Variants in DNAH9 observed in about 807,000 individuals in gnomAD.
The protein encoded by DNAH9 is DNAH9 variant protein.
DNAH9 carries 345 observed loss-of-function variants against 471.6 expected under a neutral mutation model. The ratio of observed to expected loss-of-function variants is 0.73; its 90% confidence interval spans 0.67 to 0.80. DNAH9 has a LOEUF of 0.80. Ranked by LOEUF, DNAH9 falls within the 30% of genes least tolerant of loss-of-function variation. DNAH9 has a pLI of 0.00. For missense variants in DNAH9, 5,407 were observed against 5,609.2 expected (o/e 0.96, Z 1.15); for synonymous variants, 2,093 against 2,123.6 (o/e 0.99, Z 0.40).
Position 11,626,217 on chromosome 17 carries a change from G to GATATT in DNAH9, c.1351-3199_1351-3195dup, listed in dbSNP as rs1271466825. Among the ~76,000 whole-genome samples the GATATT allele has an allele frequency of 6.6e-6, 1 of 152,128 alleles. No homozygotes were observed. The highest frequency in any genetic ancestry group is 1.5e-5 in the Non-Finnish European group (1 of 68,028). On this transcript the variant is annotated intron_variant, in intron 6 of 68. Coordinates refer to ENST00000262442, the MANE Select transcript of DNAH9 (RefSeq NM_001372.4). This position sits in a 1 kb window ranked among gnomAD's most constrained non-coding sequence, Gnocchi z 4.3. ...TTTAGTACTGTGATGAATAAAAATAGATATTTAAAAAATATCATTTAAACT... is the reference window on the plus strand; with the variant it reads ...TTTAGTACTGTGATGAATAAAAATAGATATTATATTTAAAAAATATCATTTAAACT...
Position 11,869,133 on chromosome 17 carries a change from G to T in DNAH9, c.9934-1G>T, listed in dbSNP as rs372234588. On this transcript the variant is annotated splice_acceptor_variant, in intron 50 of 68. Transcript: ENST00000262442. LOFTEE classifies it high-confidence loss of function. Reference sequence around the variant, plus strand: ...TGGTCCTTGTATTCCTTCCTAAACAGCACCTTAATGAAAACCTGGCAAAGC... The same window carrying T: ...TGGTCCTTGTATTCCTTCCTAAACATCACCTTAATGAAAACCTGGCAAAGC... 2.5e-6 allele frequency: 4 copies of T among 1,613,232 alleles called. No homozygotes were observed. The highest frequency in any genetic ancestry group is 3.4e-6 in the Non-Finnish European group (4 of 1,179,662).
rs917333010 is a variant in DNAH9, at chr17:11,654,133, A to G, written c.2595+1131A>G. Among the ~76,000 whole-genome samples the G allele has an allele frequency of 2.4e-5, 3 of 125,486 alleles. 1 individual carries two copies. The highest frequency in any genetic ancestry group is 5.3e-5 in the Non-Finnish European group (3 of 56,278). The allele number at this position is 125,486 out of a possible 152,430, so 82.3% of individuals were successfully genotyped here. ...CACTTTGGGAGGCCGAGGCGGGCGG[A>G]TCACGAGGTCAGGAGATCGAGACCA... On this transcript the variant is annotated intron_variant, in intron 14 of 68. Transcript: ENST00000262442.
rs1969028904 is a variant in DNAH9, at chr17:11,790,587, A to G, written c.8062-2916A>G. Among the ~76,000 whole-genome samples the G allele has an allele frequency of 2.0e-5, 3 of 152,050 alleles. No homozygotes were observed. In the South Asian group the frequency reaches 6.2e-4, roughly 31 times the overall value. On this transcript the variant is annotated intron_variant, in intron 41 of 68. Coordinates refer to ENST00000262442, the MANE Select transcript of DNAH9 (RefSeq NM_001372.4). ...TTAAGGTATATCTCCCATAAGCAGC[A>G]TACGGTTGGGTTCTTTAAAGTCCCA... is the stretch of plus-strand genomic sequence containing the variant.
Position 11,598,904 on chromosome 17 carries a change from C to T in DNAH9, c.406C>T (p.Leu136=). 2 of 1,502,990 alleles carry T rather than the reference C, an allele frequency of 1.3e-6. No individual in the cohort carries two copies. Among genetic ancestry groups the T allele is most frequent in the Non-Finnish European group, 1.8e-6 (2 of 1,128,796 alleles). The allele number at this position is 1,502,990 out of a possible 1,614,324, so 93.1% of individuals were successfully genotyped here. A position where few individuals can be genotyped will look rare whatever the true frequency, so the allele number is the denominator to read the frequency against. Residue 136 remains leucine, a synonymous_variant, in exon 1 of 69, where the codon CTG becomes TTG. Transcript: ENST00000262442. ...GGCACCTCTGGAGCACCTAGCCGCG[C>T]TGTTCTCGGAGGTGAGGGTGGGTTA... is the stretch of plus-strand genomic sequence containing the variant. ...PAAPLEHLAA[L]FSEVVLPVLA...
chr17:11,692,057 C>T (rs971325133), intron 20 of DNAH9, among the ~76,000 whole-genome samples: 1 of 13,824 alleles, frequency 7.2e-5, no homozygotes, highest in African/African-American at 1.6e-4. Flanking sequence ...CCGCCTCAGC[C>T]TCCCAAAGTG....
chr17:11,919,543 A>G (rs1974069030), intron 61 of DNAH9, among the ~76,000 whole-genome samples: 1 of 152,028 alleles, frequency 6.6e-6, no homozygotes, highest in Non-Finnish European at 1.5e-5. Flanking sequence ...TAGGAGACAT[A>G]ATGACAGAGG....
intron 65 of DNAH9, among the ~76,000 whole-genome samples, chr17:11,935,865 A>G (rs1308518768): frequency 6.6e-6 from 1 of 152,208 alleles, no homozygotes; most frequent in African/African-American, 2.4e-5. Context: ...GACCTATAAG[A>G]GGAGATTTAA....
intron 51 of DNAH9, 111 bp downstream of exon 51, chr17:11,869,364 A>G: frequency 7.0e-7 from 1 of 1,420,434 alleles, no homozygotes; most frequent in Non-Finnish European, 9.4e-7. Flanking sequence ...ACTTGGAGGG[A>G]AGTATTAAAA....
intron 57 of DNAH9, 36 bp from the exon 58 acceptor site, chr17:11,891,741 T>G (rs768024935): frequency 1.9e-6 from 3 of 1,609,168 alleles, no homozygotes; most frequent in African/African-American, 2.7e-5. Flanking sequence ...GTAAGAGGGC[T>G]GTGTACCTTA....
intron 34 of DNAH9, among the ~76,000 whole-genome samples, chr17:11,757,131 G>A (rs1015824613): frequency 2.0e-5 from 3 of 152,176 alleles, no homozygotes; most frequent in African/African-American, 7.2e-5. Flanking sequence ...GGCAGATGTT[G>A]GTCAATGGGT....
Position 11,781,006 on chromosome 17 carries a change from C to T in DNAH9, c.7553-3C>T, listed in dbSNP as rs759637829. 9 of 1,613,206 alleles carry T rather than the reference C, an allele frequency of 5.6e-6. No homozygotes were observed. In the South Asian group the frequency reaches 8.8e-5, roughly 16 times the overall value. Reference sequence around the variant, plus strand: ...TTCCCTCACCGACTGGCTCTCTCCCCAGCTGTCCTGGAGAAGCCTCTGGAA... The same window carrying T: ...TTCCCTCACCGACTGGCTCTCTCCCTAGCTGTCCTGGAGAAGCCTCTGGAA... On this transcript the variant is annotated splice_polypyrimidine_tract_variant and splice_region_variant and intron_variant, in intron 38 of 68. Coordinates refer to ENST00000262442, the MANE Select transcript of DNAH9 (RefSeq NM_001372.4).
At chr17:11,645,330 T>G (rs1342394900) in intron 11 of DNAH9, among the ~76,000 whole-genome samples, 1 of 152,192 alleles carries the variant, frequency 6.6e-6, no homozygotes, top group Non-Finnish European at 1.5e-5. Context: ...TAACACACAT[T>G]CCACCCCTTT....
At chr17:11,813,317 A>G (rs1969988405) in intron 45 of DNAH9, among the ~76,000 whole-genome samples, 1 of 151,794 alleles carries the variant, frequency 6.6e-6, no homozygotes, top group African/African-American at 2.4e-5. Flanking sequence ...CTTCTAACCC[A>G]CCCCCTTTTT....
In DNAH9 at chr17:11,673,084, A is replaced by G. The variant is rs536077771; in HGVS notation, c.3353+3290A>G. On this transcript the variant is annotated intron_variant, in intron 17 of 68. Coordinates refer to ENST00000262442, the MANE Select transcript of DNAH9 (RefSeq NM_001372.4). ...CTGAGCAATTCATCCCTGATGAAGC[A>G]AAATCAAACCAGTCTTCTGACCAGT... Among the ~76,000 whole-genome samples the G allele has an allele frequency of 1.2e-4, 18 of 152,344 alleles. No individual in the cohort carries two copies. The South Asian group carries it at 3.5e-3, about 30-fold the overall frequency.
chr17:11,801,903 A>C (rs2150918674), intron 43 of DNAH9, among the ~76,000 whole-genome samples: 1 of 152,160 alleles, frequency 6.6e-6, no homozygotes, highest in East Asian at 1.9e-4. Context: ...AAAAAAAAAT[A>C]ATAAGTACTG....
rs1254378863 is a variant in DNAH9, at chr17:11,619,736, C to G, written c.1305C>G (p.Val435=). 18 of 1,613,964 alleles carry G rather than the reference C, an allele frequency of 1.1e-5. No individual in the cohort carries two copies. The highest frequency in any genetic ancestry group is 1.4e-5 in the Non-Finnish European group (16 of 1,179,884). ...AATGGGATTTCCAGTCTTCTTTGGT[C>G]TTTGTGCGATTGGATGGCTTCCTGG... ...VKEWDFQSSL[V]FVRLDGFLGQ... is the part of the protein sequence containing the mutation. The change falls in exon 6 of 69, where the codon GTC becomes GTG. Residue 435 remains valine, a synonymous_variant. Transcript: ENST00000262442.
chr17:11,709,755 G>T (rs2074799069), intron 26 of DNAH9, among the ~76,000 whole-genome samples: 1 of 152,124 alleles, frequency 6.6e-6, no homozygotes, highest in Non-Finnish European at 1.5e-5. Context: ...CTCGACCTTT[G>T]GATGATCTCC....
chr17:11,855,792 G>A (rs920878637), intron 50 of DNAH9, among the ~76,000 whole-genome samples: 2 of 152,158 alleles, frequency 1.3e-5, no homozygotes, highest in East Asian at 3.9e-4. Context: ...CTGGAAGATA[G>A]CATAGCAACT....
Position 11,933,942 on chromosome 17 carries a change from T to C in DNAH9, c.12360T>C (p.Asp4120=). The C allele has an allele frequency of 6.2e-7, 1 of 1,614,176 alleles. No individual in the cohort carries two copies. The highest frequency in any genetic ancestry group is 1.1e-5 in the South Asian group (1 of 91,086). Residue 4120 remains aspartate (D), a synonymous_variant, in exon 65 of 69, where the codon GAT becomes GAC. Coordinates refer to ENST00000262442, the MANE Select transcript of DNAH9 (RefSeq NM_001372.4). ...TCATGTATGGAGGCCATATCACAGATGACTGGGACAGAAGACTCTGCAGAA... is the reference window on the plus strand; with the variant it reads ...TCATGTATGGAGGCCATATCACAGACGACTGGGACAGAAGACTCTGCAGAA... ...GEIMYGGHIT[D]DWDRRLCRTY...
Sources: gnomAD v4.1 joint callset for allele counts (sites outside exome capture counted in the v4.1 genomes callset) on GRCh38, gnomAD v4.1.1 for gene constraint, Gnocchi (gnomAD v3.1) non-coding constraint, MANE v1.5 for transcripts, NCBI Gene and HGNC (gene_info 2026-07-23, HGNC 2026-07-21) for gene names.